The following CSMD1 variants were observed in gnomAD, a reference collection of about 807,000 sequenced individuals.
The protein encoded by CSMD1 is CUB and Sushi multiple domains 1.
CSMD1 carries 213 observed loss-of-function variants against 417.5 expected under a neutral mutation model. The ratio of observed to expected loss-of-function variants is 0.51; its 90% CI spans 0.46 to 0.57. The LOEUF (loss-of-function observed/expected upper bound fraction) is 0.57. Ranked by LOEUF, CSMD1 falls within the 20% of genes least tolerant of loss-of-function variation. The pLI, the probability that CSMD1 is intolerant of heterozygous loss-of-function variation, is 0.00. For synonymous variants in CSMD1, 2,862 were observed against 1,736.8 expected (o/e 1.65, Z -16.11); for missense variants, 6,923 against 4,529.7 (o/e 1.53, Z -15.17).
intron 2 of CSMD1, among the ~76,000 whole-genome samples, chr8:4,430,768 T>G (rs939440365): frequency 6.6e-5 from 10 of 152,118 alleles, no homozygotes; most frequent in African/African-American, 2.4e-4. Flanking sequence ...TTTATGACAA[T>G]CAAACCATTT....
chr8:4,211,321 T>G (rs939606751), intron 3 of CSMD1, among the ~76,000 whole-genome samples: 19 of 152,184 alleles, frequency 1.2e-4, no homozygotes, highest in Non-Finnish European at 2.2e-4. Context: ...TATCATTATA[T>G]CCAACTGTTA....
chr8:3,520,020 C>CATATA (rs1563116097), intron 10 of CSMD1, among the ~76,000 whole-genome samples: 1 of 137,580 alleles, frequency 7.3e-6, no homozygotes, highest in African/African-American at 3.0e-5. Context: ...GTGTATATAC[C>CATATA]TATATATATA....
chr8:3,096,141 TAAATCACTGTGTTAAAA>T, intron 47 of CSMD1, among the ~76,000 whole-genome samples: 1 of 152,322 alleles, frequency 6.6e-6, no homozygotes, highest in East Asian at 1.9e-4. Flanking sequence ...TCATCTTCTC[TAAATCACTGTGTTAAAA>T]AAATCAAATA....
intron 1 of CSMD1, among the ~76,000 whole-genome samples, chr8:4,991,357 T>C (rs572960584): frequency 6.6e-6 from 1 of 152,338 alleles, no homozygotes; most frequent in East Asian, 1.9e-4. Flanking sequence ...GAATTTTCGA[T>C]ATCCCCAACG....
chr8:4,388,319 C>G (rs1000485333), intron 3 of CSMD1, among the ~76,000 whole-genome samples: 2 of 75,942 alleles, frequency 2.6e-5, no homozygotes, highest in Non-Finnish European at 4.8e-5. Context: ...CACACACACA[C>G]AGACACACAC....
intron 10 of CSMD1, among the ~76,000 whole-genome samples, chr8:3,510,897 G>T (rs1272118602): frequency 6.6e-6 from 1 of 151,720 alleles, no homozygotes; most frequent in East Asian, 1.9e-4. Context: ...TGTAGGTTCT[G>T]GATATTAGCC....
chr8:3,485,228 C>T (rs997662642), intron 11 of CSMD1, among the ~76,000 whole-genome samples: 21 of 152,104 alleles, frequency 1.4e-4, no homozygotes, highest in Middle Eastern at 3.4e-3. Context: ...CAGCAAAAAA[C>T]GGGAGGAAAC....
At chr8:4,811,618 C>T (rs892137395) in intron 1 of CSMD1, among the ~76,000 whole-genome samples, 2 of 152,178 alleles carry the variant, frequency 1.3e-5, no homozygotes, top group African/African-American at 4.8e-5. Context: ...AACACATTCA[C>T]TTCAAAATTT....
chr8:4,144,158 G>A (rs915575891), intron 3 of CSMD1, among the ~76,000 whole-genome samples: 13 of 151,016 alleles, frequency 8.6e-5, no homozygotes, highest in East Asian at 7.7e-4. Flanking sequence ...TTCTGATACA[G>A]CTTTGGGAAG....
chr8:4,198,919 G>T (rs564796102), intron 3 of CSMD1, among the ~76,000 whole-genome samples: 50 of 150,276 alleles, frequency 3.3e-4, no homozygotes, highest in Non-Finnish European at 6.5e-4. Context: ...TTCCACGCAG[G>T]TTTTTTTTGT....
At chr8:3,078,207 A>G (rs1426077888) in intron 49 of CSMD1, among the ~76,000 whole-genome samples, 1 of 152,190 alleles carries the variant, frequency 6.6e-6, no homozygotes, top group African/African-American at 2.4e-5. Context: ...CCTTGTGCAG[A>G]AAGGTCAAGG....
chr8:4,255,160 G>C (rs1803365828), intron 3 of CSMD1, among the ~76,000 whole-genome samples: 1 of 152,160 alleles, frequency 6.6e-6, no homozygotes, highest in Admixed American at 6.5e-5. Context: ...GATACATAGA[G>C]CTTTATCCCA....
rs188352171 is a variant in CSMD1 at position 3,468,359 on chromosome 8, T to C, written c.1561+353A>G. On this transcript the variant is annotated intron_variant, in intron 12 of 69. Transcript: ENST00000635120. ...AAGTATTTTCAGATTCACTATATTG[T>C]CTTTTCTATGTTTGCTCACATAAAA... 1.4e-3 allele frequency among the ~76,000 whole-genome samples: 213 copies of C among 152,326 alleles called. 1 individual carries two copies. The highest frequency in any genetic ancestry group is 3.4e-3 in the Middle Eastern group (1 of 294).
intron 3 of CSMD1, among the ~76,000 whole-genome samples, chr8:4,047,197 T>A (rs993384882): frequency 6.6e-6 from 1 of 152,136 alleles, no homozygotes; most frequent in African/African-American, 2.4e-5. Flanking sequence ...AGATGCTCTG[T>A]AGTAACTCAT....
intron 1 of CSMD1, among the ~76,000 whole-genome samples, chr8:4,668,338 G>GCTGT (rs1334412786): frequency 2.0e-5 from 3 of 151,622 alleles, no homozygotes; most frequent in African/African-American, 7.3e-5. Flanking sequence ...GTCATTGGTA[G>GCTGT]GGGTTCTTGG....
intron 1 of CSMD1, among the ~76,000 whole-genome samples, chr8:4,897,621 G>C (rs556186940): frequency 4.3e-4 from 65 of 152,098 alleles, no homozygotes; most frequent in African/African-American, 1.5e-3. Context: ...CTCATTATTT[G>C]TCATTACGTT....
chr8:4,018,832 G>A (rs572698837), intron 4 of CSMD1, among the ~76,000 whole-genome samples: 11 of 152,212 alleles, frequency 7.2e-5, no homozygotes, highest in African/African-American at 2.2e-4. Context: ...GGACCTTGGT[G>A]AAGTCACTGA....
At chr8:4,213,898 G>T (rs1028204122) in intron 3 of CSMD1, among the ~76,000 whole-genome samples, 11 of 152,196 alleles carry the variant, frequency 7.2e-5, no homozygotes, top group African/African-American at 2.7e-4. Context: ...AGATACTAAT[G>T]AATGAATGGA....
rs1311251902 is a variant in CSMD1 at position 3,367,038 on chromosome 8, A to G, written c.3109T>C (p.Phe1037Leu). The change falls in exon 20 of 70, where the codon TTT becomes CTT. Residue 1037 changes from phenylalanine to leucine, a missense_variant. By Grantham distance (22) the Phe-to-Leu change is conservative. Transcript: ENST00000635120. ...GCAAACAAGACCAACATACCTGAAA[A>G]TGTGATATTGAAGCCCTCGTACGAA... ...SISYEGFNIT[F>L]SEYDLEPCDD... 1 of 1,612,574 alleles carries G rather than the reference A, an allele frequency of 6.2e-7. No homozygotes were observed. Among genetic ancestry groups the G allele is most frequent in the Non-Finnish European group, 8.5e-7 (1 of 1,178,944 alleles).
Sources: allele counts gnomAD v4.1 joint callset (sites outside exome capture counted in the v4.1 genomes callset), GRCh38; gene constraint gnomAD v4.1.1; transcripts MANE v1.5; gene names NCBI Gene and HGNC (gene_info 2026-07-23, HGNC 2026-07-21).